ZNF682: variants seen among roughly 807,000 people sequenced by gnomAD.
ZNF682 encodes zinc finger protein 682.
A neutral mutation model predicts 36.5 loss-of-function variants in ZNF682; 29 were observed. The observed-to-expected ratio is 0.80, with a 90% CI of 0.59 to 1.08. The LOEUF is 1.08. ZNF682 is among the 50% of genes least tolerant of loss of function. The pLI, the probability that ZNF682 is intolerant of heterozygous loss-of-function variation, is 0.00. For missense variants in ZNF682, 561 were observed against 579.7 expected, an observed-to-expected ratio of 0.97 and a Z score of 0.33; for synonymous variants, 180 against 197.0, an observed-to-expected ratio of 0.91 and a Z score of 0.72.
chr19:20,033,794 T>A (rs2088500983), intron 1 of ZNF682: 1 of 152,444 alleles, frequency 6.6e-6, no homozygotes, highest in South Asian at 2.1e-4. Flanking sequence ...CCTCAAGTGA[T>A]CCTCCTGCCT....
chr19:19,998,214 A>C (rs1043950409), intron 3 of ZNF682, among the ~76,000 whole-genome samples: 18 of 152,208 alleles, frequency 1.2e-4, no homozygotes, highest in Non-Finnish European at 1.9e-4. Flanking sequence ...TATAAAGTAG[A>C]ATGTTGACAG....
At chr19:20,009,384 G>A (rs2088261699) in intron 3 of ZNF682, among the ~76,000 whole-genome samples, 1 of 152,080 alleles carries the variant, frequency 6.6e-6, no homozygotes, top group African/African-American at 2.4e-5. Flanking sequence ...TTATGTAAAG[G>A]GGTCAAACTT....
At position 20,006,900 on chromosome 19, in the gene ZNF682, CAG is replaced by C. The variant is rs765733170; in HGVS notation, c.600_601del (p.Cys201HisfsTer3). On this transcript the variant is annotated frameshift_variant, in exon 4 of 4. Coordinates refer to ENST00000397165, the MANE Select transcript of ZNF682 (RefSeq NM_033196.3). LOFTEE classifies it high-confidence loss of function. ...GGTTTTGCCACATTCCTCACATATG[CAG>C]AGTTTCTCTTCAGTGTGAATTATCT... 1.9e-5 allele frequency: 31 copies of C among 1,613,998 alleles called. No homozygotes were observed. The highest frequency in any genetic ancestry group is 2.6e-5 in the Non-Finnish European group (31 of 1,179,928).
At chr19:20,020,280 G>A (rs1011094943) in intron 3 of ZNF682, among the ~76,000 whole-genome samples, 1 of 151,990 alleles carries the variant, frequency 6.6e-6, no homozygotes, top group Non-Finnish European at 1.5e-5. Context: ...GGCGGATCAC[G>A]AGGTCAGGAG....
At chr19:20,001,396 C>G (rs796828153), downstream of ZNF682, among the ~76,000 whole-genome samples, 1 of 152,208 alleles carries the variant, frequency 6.6e-6, no homozygotes, top group Non-Finnish European at 1.5e-5. Context: ...TGCAATGTGT[C>G]ATCTCAAGAA....
intron 2 of ZNF682, 132 bp from the exon 3 acceptor site, chr19:20,023,231 G>A: frequency 2.7e-6 from 2 of 741,172 alleles, no homozygotes; most frequent in Non-Finnish European, 4.1e-6. Flanking sequence ...AGGCGCGTTG[G>A]CTCATACCTG....
At chr19:19,999,347 A>C (rs988325012) in intron 3 of ZNF682, among the ~76,000 whole-genome samples, 9 of 152,198 alleles carry the variant, frequency 5.9e-5, no homozygotes, top group East Asian at 1.9e-4. Flanking sequence ...AAAACCTATG[A>C]CTAAAATAAG....
intron 3 of ZNF682, among the ~76,000 whole-genome samples, chr19:20,016,914 G>A (rs1316728408): frequency 6.6e-6 from 1 of 151,984 alleles, no homozygotes; most frequent in African/African-American, 2.4e-5. Context: ...TAATAGATAC[G>A]CAATACGAAA....
chr19:20,011,469 TC>T (rs1282875780), intron 3 of ZNF682, among the ~76,000 whole-genome samples: 1 of 152,174 alleles, frequency 6.6e-6, no homozygotes, highest in Admixed American at 6.5e-5. Context: ...ACCATAGACA[TC>T]TACAGAATAA....
At chr19:20,010,471 C>T (rs2088275048) in intron 3 of ZNF682, among the ~76,000 whole-genome samples, 1 of 151,824 alleles carries the variant, frequency 6.6e-6, no homozygotes, top group African/African-American at 2.4e-5. Flanking sequence ...ACCAGCCCAG[C>T]CAACATGGTG....
chr19:20,010,733 G>A (rs1272081004), intron 3 of ZNF682, among the ~76,000 whole-genome samples: 1 of 152,090 alleles, frequency 6.6e-6, no homozygotes, highest in Non-Finnish European at 1.5e-5. Flanking sequence ...TTGGGAGACT[G>A]AGGCGGGCAG....
At chr19:20,013,545 C>G (rs1435627483) in intron 3 of ZNF682, among the ~76,000 whole-genome samples, 1 of 152,070 alleles carries the variant, frequency 6.6e-6, no homozygotes, top group Non-Finnish European at 1.5e-5. Context: ...CTTGGATATA[C>G]CACTTGTTAG....
intron 2 of ZNF682, 47 bp from the exon 3 acceptor site, chr19:20,023,146 A>G (rs758924033): frequency 2.0e-6 from 3 of 1,520,488 alleles, no homozygotes; most frequent in South Asian, 1.1e-5. Flanking sequence ...GGATTCTCCA[A>G]TTACCAACCT....
At chr19:20,038,003 G>A (rs1304644332) in intron 1 of ZNF682, among the ~76,000 whole-genome samples, 1 of 152,170 alleles carries the variant, frequency 6.6e-6, no homozygotes, top group Non-Finnish European at 1.5e-5. Context: ...ATATTCACTA[G>A]ACACCTCAGG....
intron 1 of ZNF682, among the ~76,000 whole-genome samples, chr19:20,029,419 C>T (rs9676787): frequency 6.6e-6 from 1 of 150,686 alleles, no homozygotes; most frequent in South Asian, 2.1e-4. Context: ...TGGCCAACAT[C>T]GTGAAACCCC....
In ZNF682 at chr19:20,007,670, C is replaced by T. The variant is rs550136345; in HGVS notation, c.227-395G>A. The T allele has an allele frequency of 1.1e-4, 20 of 178,944 alleles. No individual in the cohort carries two copies. The East Asian group carries it at 1.4e-3, about 12-fold the overall frequency. The allele number at this position is 178,944 out of a possible 1,614,324, so 11.1% of individuals were successfully genotyped here. ...TTCCTTCTCCTTGAAAGGCATTTCCCAGCTAAATCTAGTCTGAGCTCCTGA... is the reference window on the plus strand; with the variant it reads ...TTCCTTCTCCTTGAAAGGCATTTCCTAGCTAAATCTAGTCTGAGCTCCTGA... On this transcript the variant is annotated intron_variant, in intron 3 of 3. Transcript: ENST00000397165.
rs932657730 is a variant in ZNF682 at position 20,024,126 on chromosome 19, T to C, written c.130+124A>G. ...CTCTATCCCAACAAATCCCCAAGTT[T>C]TCCTTGAAAGCAGAGATCTAAAACT... On this transcript the variant is annotated intron_variant, in intron 2 of 3. Coordinates refer to ENST00000397165, the MANE Select transcript of ZNF682 (RefSeq NM_033196.3). The C allele has an allele frequency of 5.0e-5, 58 of 1,162,374 alleles. No individual in the cohort carries two copies. The Admixed American group carries it at 1.4e-3, about 28-fold the overall frequency. The allele number at this position is 1,162,374 out of a possible 1,614,324, so 72.0% of individuals were successfully genotyped here.
intron 3 of ZNF682, chr19:20,015,653 T>A: frequency 2.6e-6 from 1 of 384,902 alleles, no homozygotes; most frequent in Non-Finnish European, 4.6e-6. Flanking sequence ...TGGCTATCCA[T>A]AAAAAGCATA....
chr19:20,012,022 G>C (rs1368274873), intron 3 of ZNF682, among the ~76,000 whole-genome samples: 1 of 151,778 alleles, frequency 6.6e-6, no homozygotes, highest in Non-Finnish European at 1.5e-5. Flanking sequence ...GGGTGACAGA[G>C]TGAGACTCCA....
Sources: gnomAD v4.1 joint callset for allele counts (sites outside exome capture counted in the v4.1 genomes callset) on GRCh38, gnomAD v4.1.1 for gene constraint, MANE v1.5 for transcripts, NCBI Gene and HGNC (gene_info 2026-07-23, HGNC 2026-07-21) for gene names.